NKTR: variants seen among roughly 807,000 people sequenced by gnomAD.
NKTR encodes natural killer cell triggering receptor.
Under a neutral mutation model 156.3 loss-of-function variants are expected in NKTR, and 67 were observed. The ratio of observed to expected loss-of-function variants is 0.43; its 90% CI spans 0.35 to 0.53. NKTR has a LOEUF of 0.53. Among genes scored for constraint, NKTR ranks in the 20% least tolerant of loss-of-function variants. NKTR has a pLI of 0.01. For missense variants in NKTR, 1,604 were observed against 1,730.9 expected, an observed-to-expected ratio of 0.93 and a Z score of 1.30; for synonymous variants, 640 against 596.6, an observed-to-expected ratio of 1.07 and a Z score of -1.06.
intron 6 of NKTR, chr3:42,628,675 G>A (rs1366306204): frequency 2.7e-5 from 27 of 985,290 alleles, no homozygotes; most frequent in Non-Finnish European, 3.1e-5. Flanking sequence ...ATTTGGGGCT[G>A]ATCCCTTACA....
chr3:42,633,662 G>A lies in NKTR; in HGVS notation c.856G>A (p.Glu286Lys). 1.9e-6 allele frequency: 3 copies of A among 1,614,144 alleles called. No individual in the cohort carries two copies. The highest frequency in any genetic ancestry group is 2.5e-6 in the Non-Finnish European group (3 of 1,180,010). ...GGAAAAACCTGTGGTCCGCCCAGAAGAGATTCCTCCAGTGCCTGAGAACCG... is the reference window on the plus strand; with the variant it reads ...GGAAAAACCTGTGGTCCGCCCAGAAAAGATTCCTCCAGTGCCTGAGAACCG... ...KREKPVVRPE[E>K]IPPVPENRFL... The change falls in exon 10 of 17, where the codon GAG becomes AAG. Residue 286 changes from glutamate to lysine, a missense_variant. Physicochemically the swap from Glu to Lys is moderately conservative, Grantham distance 56. Around this residue, in one of 6 missense-constraint regions of NKTR, gnomAD observed 1,255 missense variants for 1,243.7 expected, o/e 1.01. Coordinates refer to ENST00000232978, the MANE Select transcript of NKTR (RefSeq NM_005385.4).
rs538563242 is a variant in NKTR at position 42,622,086 on chromosome 3, A to T, written c.374+570A>T. On this transcript the variant is annotated intron_variant, in intron 6 of 16. Transcript: ENST00000232978. Reference sequence around the variant, plus strand: ...CTCCATGCATAATTGAAATAACCCAATGTTGCTGTCATTTCCACCAAAATT... The same window carrying T: ...CTCCATGCATAATTGAAATAACCCATTGTTGCTGTCATTTCCACCAAAATT... Among the ~76,000 whole-genome samples the T allele has an allele frequency of 4.6e-5, 7 of 152,122 alleles. No individual in the cohort carries two copies. The South Asian group carries it at 1.5e-3, about 32-fold the overall frequency.
chr3:42,638,878 T>C lies in NKTR; in HGVS notation c.3174T>C (p.Thr1058=). ...CCATAAAAGATAATATTCTAAAAAC[T>C]GAGAAATCCAGTGAAGAGGACCTTT... ...NETIKDNILK[T]EKSSEEDLSG... Residue 1058 remains threonine, a synonymous_variant, in exon 13 of 17, where the codon ACT becomes ACC. Transcript: ENST00000232978. 6.2e-7 allele frequency: 1 copy of C among 1,608,312 alleles called. No homozygotes were observed. Among genetic ancestry groups the C allele is most frequent in the Non-Finnish European group, 8.5e-7 (1 of 1,178,420 alleles).
chr3:42,645,848 C>G (rs762562444), intron 16 of NKTR, 40 bp from the exon 17 acceptor site: 2 of 1,396,558 alleles, frequency 1.4e-6, no homozygotes, highest in African/African-American at 2.9e-5. Flanking sequence ...AAAGATTTTA[C>G]AGTTACAAGA....
chr3:42,647,876 A>G lies in NKTR; in HGVS notation c.*1901A>G, dbSNP rs143455421. The G allele has an allele frequency of 1.3e-5, 2 of 152,340 alleles. No individual in the cohort carries two copies. The highest frequency in any genetic ancestry group is 1.3e-4 in the Admixed American group (2 of 15,302). The allele number at this position is 152,340 out of a possible 1,614,324, so 9.4% of individuals were successfully genotyped here. A position where few individuals can be genotyped will look rare whatever the true frequency, so the allele number is the denominator to read the frequency against. ...AAAACAATACCCATAGCAGTTCTGT[A>G]GCTCATGAGTCTGGCACAGTGTGGC... On this transcript the variant is annotated 3_prime_UTR_variant, in exon 17 of 17. Coordinates refer to ENST00000232978, the MANE Select transcript of NKTR (RefSeq NM_005385.4).
At position 42,632,640 on chromosome 3, in the gene NKTR, G is replaced by A. The variant is rs751189998; in HGVS notation, c.590G>A (p.Gly197Asp). 2.9e-5 allele frequency: 46 copies of A among 1,613,532 alleles called. No individual in the cohort carries two copies. In the South Asian group the frequency reaches 4.6e-4, roughly 16 times the overall value. ...KKRKKPTHSE[G>D]SDSSSNSSSS... ...AGGAAGAAACCAACTCATTCAGAAGGCTCGGATTCCTCTTCCAATTCCTCC... is the reference window on the plus strand; with the variant it reads ...AGGAAGAAACCAACTCATTCAGAAGACTCGGATTCCTCTTCCAATTCCTCC... The change falls in exon 9 of 17, where the codon GGC becomes GAC. Residue 197 changes from glycine (G) to aspartate (D), a missense_variant. Physicochemically the swap from Gly to Asp is moderately conservative, Grantham distance 94. Transcript: ENST00000232978.
At chr3:42,604,211 G>A (rs1485859464) in intron 2 of NKTR, among the ~76,000 whole-genome samples, 1 of 152,066 alleles carries the variant, frequency 6.6e-6, no homozygotes, top group East Asian at 1.9e-4. Context: ...CTGACGAGAG[G>A]TTTATTCATT....
intron 2 of NKTR, among the ~76,000 whole-genome samples, chr3:42,617,086 C>T (rs1355139102): frequency 6.6e-6 from 1 of 152,014 alleles, no homozygotes; most frequent in Admixed American, 6.6e-5. Context: ...GTGATTGGTG[C>T]AATTCAGGAA....
At chr3:42,622,115 G>A (rs1430535971) in intron 6 of NKTR, among the ~76,000 whole-genome samples, 5 of 152,040 alleles carry the variant, frequency 3.3e-5, no homozygotes, top group Admixed American at 3.3e-4. Context: ...CAAAATTTAT[G>A]AGATTGTCAC....
intron 2 of NKTR, chr3:42,602,598 CTCTT>C (rs1255216652): frequency 6.7e-6 from 1 of 148,648 alleles, no homozygotes; most frequent in African/African-American, 2.5e-5. Flanking sequence ...TGCCTTCTCT[CTCTT>C]TTTAATGTTT....
intron 13 of NKTR, 53 bp from the exon 14 acceptor site, chr3:42,642,448 A>G (rs935803952): frequency 2.2e-6 from 3 of 1,357,510 alleles, no homozygotes; most frequent in Admixed American, 1.7e-5. Context: ...ATTAATTTTA[A>G]TATCATGATG....
intron 2 of NKTR, among the ~76,000 whole-genome samples, chr3:42,613,351 C>CCT (rs764336636): frequency 8.6e-5 from 13 of 152,014 alleles, no homozygotes; most frequent in Admixed American, 2.0e-4. Flanking sequence ...AGTAAATGGC[C>CCT]CGATGTTATG....
rs759717856 is a variant in NKTR at position 42,637,733 on chromosome 3, A to G, written c.2029A>G (p.Thr677Ala). The G allele has an allele frequency of 5.6e-6, 9 of 1,613,936 alleles. No individual in the cohort carries two copies. The highest frequency in any genetic ancestry group is 5.9e-6 in the Non-Finnish European group (7 of 1,179,998). ...REKNSESDQS[T>A]YSKYSDRSSE... ...AAAAAATTCGGAAAGTGATCAGAGC[A>G]CTTATTCAAAATACAGTGATAGAAG... Residue 677 changes from threonine (T) to alanine (A), a missense_variant, in exon 13 of 17, where the codon ACT (threonine) becomes GCT (alanine). Coordinates refer to ENST00000232978, the MANE Select transcript of NKTR (RefSeq NM_005385.4).
intron 4 of NKTR, 81 bp from the exon 5 acceptor site, chr3:42,619,583 G>T: frequency 2.5e-6 from 4 of 1,589,486 alleles, no homozygotes; most frequent in South Asian, 1.2e-5. Context: ...TTCCTTCAGC[G>T]AATTGAAGCT....
At chr3:42,621,220 C>T (rs1033923565) in intron 5 of NKTR, 3 of 1,205,686 alleles carry the variant, frequency 2.5e-6, no homozygotes, top group African/African-American at 3.2e-5. Flanking sequence ...AATATATGTT[C>T]TTTTCCTCAA....
rs528604024 is a variant in NKTR, at chr3:42,623,879, T to A, written c.374+2363T>A. 12 of 152,274 alleles carry A rather than the reference T, an allele frequency of 7.9e-5. 1 individual carries two copies. In the South Asian group the frequency reaches 2.3e-3, roughly 29 times the overall value. 9.4% of individuals were successfully genotyped at this position (152,274 alleles called of 1,614,324 possible). On this transcript the variant is annotated intron_variant, in intron 6 of 16. Coordinates refer to ENST00000232978, the MANE Select transcript of NKTR (RefSeq NM_005385.4). ...AAGAACTGTCTTTATAGTTCCTGCT[T>A]TATAGGCTCAATAAGGATTTTTAAT... is the stretch of plus-strand genomic sequence containing the variant.
chr3:42,628,659 C>G, intron 6 of NKTR: 4 of 985,352 alleles, frequency 4.1e-6, no homozygotes, highest in Non-Finnish European at 2.4e-6. Flanking sequence ...GTTTTTACTT[C>G]TAAATATTTG....
intron 2 of NKTR, among the ~76,000 whole-genome samples, chr3:42,615,309 C>T (rs1258455543): frequency 6.6e-6 from 1 of 151,728 alleles, no homozygotes; most frequent in Non-Finnish European, 1.5e-5. Context: ...GAACTCCTGA[C>T]CTCAGGTGAT....
chr3:42,627,629 CAT>C (rs1227516201), intron 6 of NKTR: 12 of 984,820 alleles, frequency 1.2e-5, no homozygotes, highest in South Asian at 9.4e-5. Context: ...ACCTTGCACA[CAT>C]GTTTTTTAAA....
Sources: gnomAD v4.1 joint callset for allele counts (sites outside exome capture counted in the v4.1 genomes callset) on GRCh38, gnomAD v4.1.1 for gene constraint, gnomAD v4.1.1 regional missense constraint, MANE v1.5 for transcripts, NCBI Gene and HGNC (gene_info 2026-07-23, HGNC 2026-07-21) for gene names.